Variants in GALNT18 observed in about 807,000 individuals in gnomAD.
GALNT18 encodes GalNAc-transferase 18.
GALNT18 carries 44 observed loss-of-function variants against 69.5 expected under a neutral mutation model. The ratio of observed to expected loss-of-function variants is 0.63; its 90% CI spans 0.50 to 0.81. The LOEUF is 0.81. Ranked by LOEUF, GALNT18 falls within the 40% of genes least tolerant of loss-of-function variation. The pLI is 0.00. For synonymous variants in GALNT18, 364 were observed against 318.2 expected (o/e 1.14, Z -1.53); for missense variants, 715 against 810.0 (o/e 0.88, Z 1.42).
chr11:11,385,775 T>G (rs1854042273), intron 3 of GALNT18, among the ~76,000 whole-genome samples: 1 of 152,108 alleles, frequency 6.6e-6, no homozygotes, highest in South Asian at 2.1e-4. Context: ...CTTAAATTCA[T>G]ATGCTGAAAT....
At chr11:11,362,022 C>T (rs142229797) in intron 6 of GALNT18, among the ~76,000 whole-genome samples, 172 of 152,078 alleles carry the variant, frequency 1.1e-3, no homozygotes, top group African/African-American at 3.9e-3. Flanking sequence ...AGAAACAGAC[C>T]CAAAAGTATG....
intron 8 of GALNT18, among the ~76,000 whole-genome samples, chr11:11,329,522 T>C (rs1231521040): frequency 6.6e-6 from 1 of 152,248 alleles, no homozygotes; most frequent in African/African-American, 2.4e-5. Context: ...CCCTTGGCTC[T>C]CAGCTTATCT....
At position 11,498,818 on chromosome 11, in the gene GALNT18, A is replaced by G. The variant is rs530965970; in HGVS notation, c.236-49882T>C. ...CATCTCAAAAAAATAAATAAATAAAAGAAGGGAAGTGGGTTAAGAGAGATT... is the reference window on the plus strand; with the variant it reads ...CATCTCAAAAAAATAAATAAATAAAGGAAGGGAAGTGGGTTAAGAGAGATT... On this transcript the variant is annotated intron_variant, in intron 1 of 10. Transcript: ENST00000227756. Among the ~76,000 whole-genome samples the G allele has an allele frequency of 7.9e-5, 12 of 152,310 alleles. No homozygotes were observed. In the South Asian group the frequency reaches 1.0e-3, roughly 13 times the overall value.
rs1859346632 is a variant in GALNT18 at position 11,591,080 on chromosome 11, A to T, written c.235+30279T>A. On this transcript the variant is annotated intron_variant, in intron 1 of 10. Transcript: ENST00000227756. The surrounding 1 kb of genome is among the most constrained non-coding windows in gnomAD (Gnocchi z 4.8). ...ATCATAGCAGATGACAGCTCTATGC[A>T]TGTTATTGCCCAATGGGACAAGATG... is the stretch of plus-strand genomic sequence containing the variant. Among the ~76,000 whole-genome samples, 1 of 151,950 alleles carries T rather than the reference A, an allele frequency of 6.6e-6. No homozygotes were observed. Among genetic ancestry groups the T allele is most frequent in the Non-Finnish European group, 1.5e-5 (1 of 67,982 alleles).
intron 10 of GALNT18, among the ~76,000 whole-genome samples, chr11:11,283,604 C>T (rs577987051): frequency 6.6e-5 from 10 of 152,318 alleles, no homozygotes; most frequent in South Asian, 4.1e-4. Flanking sequence ...CTGCAGCCTC[C>T]GGCCCAGTCT....
intron 1 of GALNT18, among the ~76,000 whole-genome samples, chr11:11,571,220 C>A (rs1019518019): frequency 2.0e-5 from 3 of 152,174 alleles, no homozygotes; most frequent in East Asian, 1.9e-4. Context: ...GTGTCAGGAC[C>A]AGGATTTCAA....
chr11:11,484,804 G>A (rs1856610473), intron 1 of GALNT18, among the ~76,000 whole-genome samples: 1 of 152,136 alleles, frequency 6.6e-6, no homozygotes, highest in Non-Finnish European at 1.5e-5. Flanking sequence ...AAGCAGGTGA[G>A]GAGAAACTGA....
chr11:11,457,847 C>T (rs980745495), intron 1 of GALNT18, among the ~76,000 whole-genome samples: 2 of 152,220 alleles, frequency 1.3e-5, no homozygotes, highest in African/African-American at 2.4e-5. Context: ...AGCTTTTGTC[C>T]TGCAGCCAGT....
chr11:11,357,749 G>A (rs1316668947), intron 6 of GALNT18, among the ~76,000 whole-genome samples: 1 of 152,160 alleles, frequency 6.6e-6, no homozygotes, highest in East Asian at 1.9e-4. Context: ...TGATTCTTGG[G>A]AGGGGTAAAT....
chr11:11,621,381 A>T lies in GALNT18; in HGVS notation c.213T>A (p.Asn71Lys). The T allele has an allele frequency of 6.2e-7, 1 of 1,613,668 alleles. No individual in the cohort carries two copies. The highest frequency in any genetic ancestry group is 8.5e-7 in the Non-Finnish European group (1 of 1,179,908). The change falls in exon 1 of 11, where the codon AAT becomes AAA. Residue 71 changes from asparagine to lysine, a missense_variant. Asn to Lys is a moderately conservative substitution (Grantham distance 94). Transcript: ENST00000227756. This position sits in a 1 kb window ranked among gnomAD's most constrained non-coding sequence, Gnocchi z 9.3. ...TACCTTGAATGTGCTGCTTGATGAC[A>T]TTCTCCAGGTGGTCCAGCCGCTCAA... is the stretch of plus-strand genomic sequence containing the variant. ...KIIERLDHLE[N>K]VIKQHIQEAP... is the part of the protein sequence containing the mutation.
chr11:11,395,450 C>A (rs1854304537), intron 3 of GALNT18, among the ~76,000 whole-genome samples: 1 of 152,222 alleles, frequency 6.6e-6, no homozygotes, highest in African/African-American at 2.4e-5. Flanking sequence ...GGGCTTCACC[C>A]ACATTTGCTC....
chr11:11,360,354 T>C (rs1850618573), intron 6 of GALNT18, among the ~76,000 whole-genome samples: 1 of 152,186 alleles, frequency 6.6e-6, no homozygotes, highest in Non-Finnish European at 1.5e-5. Flanking sequence ...CAGCCTTGCG[T>C]TTTGACCCTG....
chr11:11,308,941 C>A (rs1379831272), intron 9 of GALNT18, among the ~76,000 whole-genome samples: 1 of 152,054 alleles, frequency 6.6e-6, no homozygotes, highest in East Asian at 1.9e-4. Context: ...TACTTTACCT[C>A]TGAAGTCTAA....
intron 1 of GALNT18, among the ~76,000 whole-genome samples, chr11:11,536,476 G>A (rs1239942639): frequency 6.6e-6 from 1 of 152,066 alleles, no homozygotes; most frequent in Admixed American, 6.5e-5. Context: ...AAGGCAAGAG[G>A]GAGGAAACCA....
At chr11:11,277,413 G>C (rs896169245) in intron 10 of GALNT18, among the ~76,000 whole-genome samples, 1 of 151,428 alleles carries the variant, frequency 6.6e-6, no homozygotes, top group African/African-American at 2.4e-5. Context: ...TTGTTAGTCT[G>C]GCTAGTGGTC....
In GALNT18 at chr11:11,387,218, T is replaced by C. The variant is rs1854078981; in HGVS notation, c.596-7954A>G. Among the ~76,000 whole-genome samples, 2 of 152,214 alleles carry C rather than the reference T, an allele frequency of 1.3e-5. 1 individual carries two copies. The highest frequency in any genetic ancestry group is 4.1e-4 in the South Asian group (2 of 4,834). On this transcript the variant is annotated intron_variant, in intron 3 of 10. Transcript: ENST00000227756. This position sits in a 1 kb window ranked among gnomAD's most constrained non-coding sequence, Gnocchi z 4.6. Reference sequence around the variant, plus strand: ...CTTGCTGCCCTCAGTTGCCGGTCCTTCCCTTTCCAGCTGCTTTTCGTTTCT... The same window carrying C: ...CTTGCTGCCCTCAGTTGCCGGTCCTCCCCTTTCCAGCTGCTTTTCGTTTCT...
intron 1 of GALNT18, among the ~76,000 whole-genome samples, chr11:11,545,052 G>A (rs966487037): frequency 6.6e-6 from 1 of 152,160 alleles, no homozygotes; most frequent in Non-Finnish European, 1.5e-5. Context: ...CCATTGCTGT[G>A]CTATCTTTCC....
rs756942418 is a variant in GALNT18, at chr11:11,341,646, A to C, written c.1093-642T>G. On this transcript the variant is annotated intron_variant, in intron 6 of 10. Coordinates refer to ENST00000227756, the MANE Select transcript of GALNT18 (RefSeq NM_198516.3). This position sits in a 1 kb window ranked among gnomAD's most constrained non-coding sequence, Gnocchi z 6.3. ...TAGATTTTGAAAGATAAACCTTTGC[A>C]TTCTAAGTGTTAATGGGCAGCATCT... 5.9e-5 allele frequency among the ~76,000 whole-genome samples: 9 copies of C among 152,238 alleles called. No individual in the cohort carries two copies. Among genetic ancestry groups the C allele is most frequent in the Non-Finnish European group, 1.3e-4 (9 of 68,038 alleles).
chr11:11,333,156 C>T lies in GALNT18; in HGVS notation c.1279-325G>A, dbSNP rs540187009. Among the ~76,000 whole-genome samples the T allele has an allele frequency of 2.1e-3, 318 of 150,974 alleles. 1 individual carries two copies. The highest frequency in any genetic ancestry group is 7.3e-3 in the African/African-American group (300 of 41,102). On this transcript the variant is annotated intron_variant, in intron 7 of 10. Coordinates refer to ENST00000227756, the MANE Select transcript of GALNT18 (RefSeq NM_198516.3). ...ATGGGAAGAATCCATCTGAATAAAG[C>T]TTTTCCCTACCTCAAGAGGCAAGAT... is the stretch of plus-strand genomic sequence containing the variant.
Sources: allele counts gnomAD v4.1 joint callset (sites outside exome capture counted in the v4.1 genomes callset), GRCh38; gene constraint gnomAD v4.1.1; non-coding constraint Gnocchi (gnomAD v3.1); transcripts MANE v1.5; gene names NCBI Gene and HGNC (gene_info 2026-07-23, HGNC 2026-07-21).